ANKRD23: variants seen among roughly 807,000 people sequenced by gnomAD.
ANKRD23 encodes the protein ankyrin repeat domain 23.
In ANKRD23, 52 loss-of-function variants were observed where a neutral mutation model predicts 38.1. That is an observed-to-expected ratio of 1.36 (90% confidence interval 1.09 to 1.72). The LOEUF is 1.72. Ranked by LOEUF, ANKRD23 falls within the 40% of genes most tolerant of loss-of-function variation. ANKRD23 has a pLI of 0.00. For synonymous variants in ANKRD23, 167 were observed against 162.9 expected, an observed-to-expected ratio of 1.03 and a Z score of -0.19; for missense variants, 416 against 400.2, an observed-to-expected ratio of 1.04 and a Z score of -0.34.
Position 96,838,757 on chromosome 2 carries a change from C to G in ANKRD23, c.*792G>C, listed in dbSNP as rs1047766229. 1.0e-6 allele frequency: 1 copy of G among 985,502 alleles called. No individual in the cohort carries two copies. The highest frequency in any genetic ancestry group is 1.2e-6 in the Non-Finnish European group (1 of 830,082). The allele number at this position is 985,502 out of a possible 1,614,324, so 61.0% of individuals were successfully genotyped here. A position where few individuals can be genotyped will look rare whatever the true frequency, so the allele number is the denominator to read the frequency against. On this transcript the variant is annotated 3_prime_UTR_variant, in exon 9 of 9. Transcript: ENST00000318357. Reference sequence around the variant, plus strand: ...GCCAGCAGGCAACGGTGTGCCAGGCCGGCCTGAGCGGGGCCAGTACACAGT... The same window carrying G: ...GCCAGCAGGCAACGGTGTGCCAGGCGGGCCTGAGCGGGGCCAGTACACAGT...
intron 3 of ANKRD23, 129 bp from the exon 4 acceptor site, chr2:96,841,041 C>A (rs1206987475): frequency 7.7e-6 from 9 of 1,161,878 alleles, no homozygotes; most frequent in Non-Finnish European, 9.6e-6. Flanking sequence ...CGTACTAATG[C>A]AGTTTCTTAT....
chr2:96,838,638 G>A lies in ANKRD23; in HGVS notation c.*911C>T, dbSNP rs1211427859. ...GTACCAGGAACATAAGGGGACATAAGGGCCTCAGGCAAACTAGGGTTACGG... is the reference window on the plus strand; with the variant it reads ...GTACCAGGAACATAAGGGGACATAAAGGCCTCAGGCAAACTAGGGTTACGG... On this transcript the variant is annotated 3_prime_UTR_variant, in exon 9 of 9. Coordinates refer to ENST00000318357, the MANE Select transcript of ANKRD23 (RefSeq NM_144994.8). The A allele has an allele frequency of 1.0e-6, 1 of 985,388 alleles. No homozygotes were observed. Among genetic ancestry groups the A allele is most frequent in the Non-Finnish European group, 1.2e-6 (1 of 830,020 alleles). 61.0% of individuals were successfully genotyped at this position (985,388 alleles called of 1,614,324 possible). A position where few individuals can be genotyped will look rare whatever the true frequency, so the allele number is the denominator to read the frequency against.
At position 96,839,425 on chromosome 2, in the gene ANKRD23, C is replaced by T; in HGVS notation, c.*124G>A. On this transcript the variant is annotated 3_prime_UTR_variant, in exon 9 of 9. Transcript: ENST00000318357. ...TTCAGTTCTGCCAGGGCTGCTGAGG[C>T]GGCACAGGCCAGAGAGGGAGGAACC... 7.7e-7 allele frequency: 1 copy of T among 1,296,274 alleles called. No individual in the cohort carries two copies. Among genetic ancestry groups the T allele is most frequent in the Non-Finnish European group, 9.7e-7 (1 of 1,026,422 alleles). 80.3% of individuals were successfully genotyped at this position (1,296,274 alleles called of 1,614,324 possible).
In ANKRD23 at chr2:96,839,274, C is replaced by G; in HGVS notation, c.*275G>C. 1 of 1,198,682 alleles carries G rather than the reference C, an allele frequency of 8.3e-7. No homozygotes were observed. Among genetic ancestry groups the G allele is most frequent in the East Asian group, 3.6e-5 (1 of 27,480 alleles). The allele number at this position is 1,198,682 out of a possible 1,614,324, so 74.3% of individuals were successfully genotyped here. A position where few individuals can be genotyped will look rare whatever the true frequency, so the allele number is the denominator to read the frequency against. Reference sequence around the variant, plus strand: ...CCTCACTCTCCTCCCCTTCCTGGCCCTCATCTGGACCCGCGCTTTCTGCTG... The same window carrying G: ...CCTCACTCTCCTCCCCTTCCTGGCCGTCATCTGGACCCGCGCTTTCTGCTG... On this transcript the variant is annotated 3_prime_UTR_variant, in exon 9 of 9. Transcript: ENST00000318357.
Position 96,843,876 on chromosome 2 carries a change from C to T in ANKRD23, c.27+90G>A, listed in dbSNP as rs1336399439. 77 of 1,341,526 alleles carry T rather than the reference C, an allele frequency of 5.7e-5. 1 individual carries two copies. 83.1% of individuals were successfully genotyped at this position (1,341,526 alleles called of 1,614,324 possible). On this transcript the variant is annotated intron_variant, in intron 1 of 8. Coordinates refer to ENST00000318357, the MANE Select transcript of ANKRD23 (RefSeq NM_144994.8). ...CTGCACCTAAGACTTGACCCTCACA[C>T]CACAGAAAGAAGCTGCCAGCCCTCT...
At chr2:96,842,333 G>T in intron 2 of ANKRD23, 32 bp downstream of exon 2, 1 of 1,595,820 alleles carries the variant, frequency 6.3e-7, no homozygotes, top group Non-Finnish European at 8.6e-7. Flanking sequence ...ATTAGCCACT[G>T]CCCCCAACCC....
At chr2:96,841,059 C>G in intron 3 of ANKRD23, 147 bp from the exon 4 acceptor site, 1 of 944,404 alleles carries the variant, frequency 1.1e-6, no homozygotes, top group Non-Finnish European at 1.5e-6. Context: ...TATTCTAATC[C>G]CACGCCAGGA....
chr2:96,843,021 G>A (rs1240223157), intron 1 of ANKRD23, among the ~76,000 whole-genome samples: 1 of 152,194 alleles, frequency 6.6e-6, no homozygotes, highest in African/African-American at 2.4e-5. Flanking sequence ...TAAGGCAATT[G>A]CCTAAAGGAG....
At chr2:96,839,850 C>T in intron 7 of ANKRD23, 25 bp from the exon 8 acceptor site, 2 of 1,602,196 alleles carry the variant, frequency 1.2e-6, no homozygotes, top group Non-Finnish European at 1.7e-6. Flanking sequence ...GGCAGTCAAG[C>T]TTCTGCCTCC....
Position 96,838,941 on chromosome 2 carries a change from A to AGTT in ANKRD23, c.*605_*607dup. On this transcript the variant is annotated 3_prime_UTR_variant, in exon 9 of 9. Transcript: ENST00000318357. ...CCACCTCCAGAGTTCCTATGACCAA[A>AGTT]GTTGTCTAGAGCCGCTCCGGACACT... The AGTT allele has an allele frequency of 2.0e-6, 2 of 985,524 alleles. No homozygotes were observed. Among genetic ancestry groups the AGTT allele is most frequent in the Non-Finnish European group, 2.4e-6 (2 of 830,008 alleles). 61.0% of individuals were successfully genotyped at this position (985,524 alleles called of 1,614,324 possible). A position where few individuals can be genotyped will look rare whatever the true frequency, so the allele number is the denominator to read the frequency against.
At chr2:96,840,973 C>T in intron 3 of ANKRD23, 61 bp from the exon 4 acceptor site, 1 of 1,589,804 alleles carries the variant, frequency 6.3e-7, no homozygotes, top group East Asian at 2.2e-5. Context: ...CAAGATGTCA[C>T]AGCTTCACCA....
chr2:96,841,987 C>T, intron 3 of ANKRD23, 73 bp downstream of exon 3: 1 of 1,604,978 alleles, frequency 6.2e-7, no homozygotes, highest in South Asian at 1.1e-5. Flanking sequence ...GCAGTGCCCA[C>T]TCTGCCCCAA....
chr2:96,841,910 C>T, intron 3 of ANKRD23, 150 bp downstream of exon 3: 1 of 1,124,406 alleles, frequency 8.9e-7, no homozygotes, highest in Non-Finnish European at 1.3e-6. Context: ...CCCTGGCGGA[C>T]ACATCCGCGG....
intron 7 of ANKRD23, 67 bp from the exon 8 acceptor site, chr2:96,839,892 G>A (rs1456595816): frequency 1.3e-6 from 2 of 1,556,932 alleles, no homozygotes; most frequent in Non-Finnish European, 1.7e-6. Context: ...GGAAGGTCAG[G>A]GCTGCTGTCA....
chr2:96,838,761 C>G lies in ANKRD23; in HGVS notation c.*788G>C. 1.0e-6 allele frequency: 1 copy of G among 985,654 alleles called. No individual in the cohort carries two copies. The highest frequency in any genetic ancestry group is 4.7e-5 in the South Asian group (1 of 21,292). The allele number at this position is 985,654 out of a possible 1,614,324, so 61.1% of individuals were successfully genotyped here. A position where few individuals can be genotyped will look rare whatever the true frequency, so the allele number is the denominator to read the frequency against. On this transcript the variant is annotated 3_prime_UTR_variant, in exon 9 of 9. Transcript: ENST00000318357. Reference sequence around the variant, plus strand: ...GCAGGCAACGGTGTGCCAGGCCGGCCTGAGCGGGGCCAGTACACAGTGGGT... The same window carrying G: ...GCAGGCAACGGTGTGCCAGGCCGGCGTGAGCGGGGCCAGTACACAGTGGGT...
chr2:96,840,385 G>A (rs372189853), intron 5 of ANKRD23, 31 bp downstream of exon 5: 17 of 1,612,318 alleles, frequency 1.1e-5, no homozygotes, highest in East Asian at 6.7e-5. Context: ...GCTGGGCGTC[G>A]ACCAGAGGCT....
At chr2:96,840,624 C>T in intron 4 of ANKRD23, 110 bp from the exon 5 acceptor site, 1 of 1,510,638 alleles carries the variant, frequency 6.6e-7, no homozygotes, top group Non-Finnish European at 9.1e-7. Context: ...ACTTCCCCCA[C>T]CACGCGATGG....
Position 96,840,331 on chromosome 2 carries a change from C to T in ANKRD23, c.526-1G>A. The T allele has an allele frequency of 6.2e-7, 1 of 1,606,306 alleles. No individual in the cohort carries two copies. Among genetic ancestry groups the T allele is most frequent in the Non-Finnish European group, 8.5e-7 (1 of 1,175,868 alleles). On this transcript the variant is annotated splice_acceptor_variant, in intron 5 of 8. Transcript: ENST00000318357. LOFTEE classifies it high-confidence loss of function. ...CCCAGAACACAGGTGTCCTGTCCAG[C>T]TGCAAAACAAAAGCACCCAAGCACT...
Position 96,839,132 on chromosome 2 carries a change from G to A in ANKRD23, c.*417C>T, listed in dbSNP as rs1431875172. The A allele has an allele frequency of 2.0e-6, 2 of 997,982 alleles. No homozygotes were observed. The highest frequency in any genetic ancestry group is 2.4e-6 in the Non-Finnish European group (2 of 838,834). 61.8% of individuals were successfully genotyped at this position (997,982 alleles called of 1,614,324 possible). On this transcript the variant is annotated 3_prime_UTR_variant, in exon 9 of 9. Coordinates refer to ENST00000318357, the MANE Select transcript of ANKRD23 (RefSeq NM_144994.8). ...GGCTGAGTCCCCACACACACAGACT[G>A]GCCCTGGAGAGAGCAAGGCAAGCCC...
Sources: gnomAD v4.1 joint callset for allele counts (sites outside exome capture counted in the v4.1 genomes callset) on GRCh38, gnomAD v4.1.1 for gene constraint, MANE v1.5 for transcripts, NCBI Gene and HGNC (gene_info 2026-07-23, HGNC 2026-07-21) for gene names.